The following CSNK2A2IP variants were observed in gnomAD, a reference collection of about 807,000 sequenced individuals.
CSNK2A2IP encodes casein kinase 2 subunit alpha' interacting protein.
chr3:88,398,228 G>T, the CSNK2A2IP span, among the ~76,000 whole-genome samples: 1 of 152,026 alleles, frequency 6.6e-6, no homozygotes, highest in African/African-American at 2.4e-5. Flanking sequence ...GAAGATGAAT[G>T]GCCCATTGTT....
At chr3:88,338,563 A>G in the CSNK2A2IP span, 1 of 152,146 alleles carries the variant, frequency 6.6e-6, no homozygotes, top group Non-Finnish European at 1.5e-5. Flanking sequence ...TTGTTTCCTC[A>G]CCAGTGAAAA....
the CSNK2A2IP span, among the ~76,000 whole-genome samples, chr3:88,422,122 A>G: frequency 1.3e-5 from 2 of 152,186 alleles, no homozygotes; most frequent in Admixed American, 1.3e-4. Flanking sequence ...TTGGCAAAAA[A>G]CTTTTATTAG....
the CSNK2A2IP span, among the ~76,000 whole-genome samples, chr3:88,461,472 G>A: frequency 6.6e-6 from 1 of 152,144 alleles, no homozygotes; most frequent in Non-Finnish European, 1.5e-5. Context: ...AGAATGGCGT[G>A]AACCTGGGAG....
chr3:88,396,689 C>T, the CSNK2A2IP span, among the ~76,000 whole-genome samples: 18 of 152,116 alleles, frequency 1.2e-4, no homozygotes, highest in African/African-American at 4.3e-4. Flanking sequence ...ACCTTAGTGG[C>T]TAGATAATGA....
chr3:88,423,736 A>C, the CSNK2A2IP span, among the ~76,000 whole-genome samples: 2 of 152,196 alleles, frequency 1.3e-5, no homozygotes, highest in Non-Finnish European at 2.9e-5. Flanking sequence ...GATTTAAAAA[A>C]GGTGGCAGTT....
the CSNK2A2IP span, among the ~76,000 whole-genome samples, chr3:88,414,269 A>ATTTTT: frequency 1.7e-5 from 2 of 118,352 alleles, no homozygotes; most frequent in African/African-American, 7.0e-5. Context: ...GTACCAACAA[A>ATTTTT]GTTTTTTTTT....
the CSNK2A2IP span, among the ~76,000 whole-genome samples, chr3:88,452,974 A>G: frequency 6.6e-6 from 1 of 152,160 alleles, no homozygotes; most frequent in Non-Finnish European, 1.5e-5. Flanking sequence ...AGGTAGTCTT[A>G]AAGTATAAAT....
chr3:88,404,335 T>C, the CSNK2A2IP span, among the ~76,000 whole-genome samples: 3 of 152,092 alleles, frequency 2.0e-5, no homozygotes, highest in Non-Finnish European at 4.4e-5. Context: ...GGATTTCAGA[T>C]TAAAAGTGAA....
chr3:88,341,295 A>G, the CSNK2A2IP span, among the ~76,000 whole-genome samples: 1 of 151,966 alleles, frequency 6.6e-6, no homozygotes, highest in African/African-American at 2.4e-5. Context: ...ATGAATCATT[A>G]TTATTATATG....
At chr3:88,356,217 C>T in the CSNK2A2IP span, among the ~76,000 whole-genome samples, 1 of 152,006 alleles carries the variant, frequency 6.6e-6, no homozygotes, top group African/African-American at 2.4e-5. Context: ...TTTTTGTACC[C>T]ATTAATTAAT....
At chr3:88,384,220 A>G in the CSNK2A2IP span, among the ~76,000 whole-genome samples, 4 of 152,192 alleles carry the variant, frequency 2.6e-5, no homozygotes, top group Non-Finnish European at 5.9e-5. Context: ...AACAAGATAA[A>G]CATTGTGAAA....
chr3:88,424,603 T>A, the CSNK2A2IP span, among the ~76,000 whole-genome samples: 1 of 152,156 alleles, frequency 6.6e-6, no homozygotes, highest in Non-Finnish European at 1.5e-5. Flanking sequence ...TCATCAGCTT[T>A]TACATGGAAA....
At chr3:88,426,579 G>C in the CSNK2A2IP span, among the ~76,000 whole-genome samples, 1 of 152,310 alleles carries the variant, frequency 6.6e-6, no homozygotes, top group African/African-American at 2.4e-5. Context: ...GACCCAGTGG[G>C]AGGTAATTTA....
the CSNK2A2IP span, among the ~76,000 whole-genome samples, chr3:88,364,017 C>T: frequency 1.4e-4 from 21 of 152,236 alleles, no homozygotes; most frequent in South Asian, 4.4e-3. Flanking sequence ...CTGTGCAATA[C>T]TCTCTTCTTT....
the CSNK2A2IP span, among the ~76,000 whole-genome samples, chr3:88,461,015 T>G: frequency 1.4e-3 from 217 of 151,268 alleles, no homozygotes; most frequent in Middle Eastern, 0.021. Flanking sequence ...GGAACCCAGG[T>G]GGCAGAGGTT....
chr3:88,435,879 ATTATATATATAATGCACATTATGTG>A, the CSNK2A2IP span, among the ~76,000 whole-genome samples: 1 of 60,516 alleles, frequency 1.7e-5, no homozygotes, highest in Non-Finnish European at 3.7e-5. Context: ...TTTAATGTGC[ATTATATATATAATGCACATTATGTG>A]TGCATTATAT....
chr3:88,465,107 A>C, the CSNK2A2IP span: 23 of 326,022 alleles, frequency 7.1e-5, no homozygotes, highest in Non-Finnish European at 9.4e-5. Flanking sequence ...ACTCAGGAGA[A>C]AAAAGTATAG....
chr3:88,366,553 C>T, the CSNK2A2IP span, among the ~76,000 whole-genome samples: 1 of 152,074 alleles, frequency 6.6e-6, no homozygotes, highest in Non-Finnish European at 1.5e-5. Flanking sequence ...TCTGTGTCCC[C>T]TACCATGTTT....
the CSNK2A2IP span, among the ~76,000 whole-genome samples, chr3:88,457,696 A>AAAAT: frequency 1.0e-4 from 2 of 19,184 alleles, no homozygotes; most frequent in Non-Finnish European, 8.4e-5. Flanking sequence ...ACTCAGTCTC[A>AAAAT]AAATAAAATA....
Sources: gnomAD v4.1 joint callset for allele counts (sites outside exome capture counted in the v4.1 genomes callset) on GRCh38, gnomAD v4.1.1 for gene constraint, MANE v1.5 for transcripts, NCBI Gene and HGNC (gene_info 2026-07-23, HGNC 2026-07-21) for gene names.